ZNF710: variants seen among roughly 807,000 people sequenced by gnomAD.
The protein encoded by ZNF710 is zinc finger protein 710.
Under a neutral mutation model 50.6 loss-of-function variants are expected in ZNF710, and 13 were observed. The observed-to-expected ratio is 0.26, with a 90% CI of 0.17 to 0.41. The LOEUF (loss-of-function observed/expected upper bound fraction) is 0.41, where lower values mean the gene tolerates loss of function less well. Ranked by LOEUF, ZNF710 falls within the 10% of genes least tolerant of loss-of-function variation. ZNF710 has a pLI of 1.00. For missense variants in ZNF710, 721 were observed against 936.6 expected (o/e 0.77, Z 3.01); for synonymous variants, 383 against 397.0 (o/e 0.96, Z 0.42).
chr15:90,060,954 C>G (rs1899988084), intron 1 of ZNF710, among the ~76,000 whole-genome samples: 2 of 152,190 alleles, frequency 1.3e-5, no homozygotes, highest in South Asian at 4.1e-4. Context: ...GATGAGGAGC[C>G]AACAGGCAAG....
intron 4 of ZNF710, among the ~76,000 whole-genome samples, chr15:90,078,666 T>G (rs940320100): frequency 6.6e-6 from 1 of 152,234 alleles, no homozygotes; most frequent in Non-Finnish European, 1.5e-5. Flanking sequence ...TGGCATCTCA[T>G]GGGTAGAGGC....
chr15:90,051,087 A>AAATTAGCCGG (rs1403966143), intron 1 of ZNF710, among the ~76,000 whole-genome samples: 1 of 151,960 alleles, frequency 6.6e-6, no homozygotes, highest in Non-Finnish European at 1.5e-5. Flanking sequence ...AAAAATACAA[A>AAATTAGCCGG]AATTAGCCGG....
chr15:90,000,320 G>A (rs562217831), upstream of ZNF710, among the ~76,000 whole-genome samples: 1 of 152,318 alleles, frequency 6.6e-6, no homozygotes, highest in East Asian at 1.9e-4. Flanking sequence ...GCTCGGAGTG[G>A]CGGGTGTTCT....
At chr15:90,023,589 C>T (rs1596271609) in intron 1 of ZNF710, among the ~76,000 whole-genome samples, 1 of 152,168 alleles carries the variant, frequency 6.6e-6, no homozygotes, top group Non-Finnish European at 1.5e-5. Flanking sequence ...GTGGCTGAGG[C>T]AGGAAGATCT....
chr15:90,033,942 C>G (rs1250409859), intron 1 of ZNF710, among the ~76,000 whole-genome samples: 1 of 152,192 alleles, frequency 6.6e-6, no homozygotes, highest in African/African-American at 2.4e-5. Context: ...TGGCTCATGC[C>G]TGTAATCCCA....
intron 1 of ZNF710, among the ~76,000 whole-genome samples, chr15:90,015,279 A>C (rs1216024826): frequency 6.6e-6 from 1 of 152,242 alleles, no homozygotes; most frequent in Non-Finnish European, 1.5e-5. Context: ...GCCCACTAGC[A>C]ATAAGAGAAA....
chr15:90,070,981 G>A (rs1230652291), intron 2 of ZNF710, among the ~76,000 whole-genome samples: 1 of 151,988 alleles, frequency 6.6e-6, no homozygotes, highest in African/African-American at 2.4e-5. Context: ...CCAAGTCCAG[G>A]GCCTGGCACA....
At position 90,081,847 on chromosome 15, in the gene ZNF710, C is replaced by G. The variant is rs117454995; in HGVS notation, c.*2018C>G. 6 of 152,464 alleles carry G rather than the reference C, an allele frequency of 3.9e-5. No homozygotes were observed. Among genetic ancestry groups the G allele is most frequent in the African/African-American group, 9.6e-5 (4 of 41,564 alleles). The allele number at this position is 152,464 out of a possible 1,614,324, so 9.4% of individuals were successfully genotyped here. ...TCTCCTTTCCCTCCCCCAGCCCCGC[C>G]GTCAGCACTGGCCCTCTGTGAGGTT... On this transcript the variant is annotated 3_prime_UTR_variant, in exon 5 of 5. Transcript: ENST00000268154.
chr15:90,065,188 A>G (rs550468046), intron 1 of ZNF710, among the ~76,000 whole-genome samples: 39 of 152,116 alleles, frequency 2.6e-4, no homozygotes, highest in Admixed American at 6.5e-4. Flanking sequence ...TGTCTGGGGT[A>G]TTTTTAGCCG....
chr15:90,057,638 A>G (rs1248958480), intron 1 of ZNF710, among the ~76,000 whole-genome samples: 2 of 151,558 alleles, frequency 1.3e-5, no homozygotes, highest in Non-Finnish European at 2.9e-5. Context: ...TGGAGGTTGC[A>G]GTGAGCTGAG....
intron 1 of ZNF710, among the ~76,000 whole-genome samples, chr15:90,014,980 T>C (rs1405167733): frequency 1.3e-5 from 2 of 151,766 alleles, no homozygotes; most frequent in Admixed American, 6.6e-5. Context: ...GCAGCCTCTG[T>C]CTTCCAGGTT....
At chr15:90,001,700 C>G (rs1304005278) in intron 1 of ZNF710, 86 bp downstream of exon 1, 1 of 142,580 alleles carries the variant, frequency 7.0e-6, no homozygotes, top group Non-Finnish European at 1.6e-5. Flanking sequence ...GCGGGGGGCG[C>G]GGGGGTGGGT....
Position 90,073,125 on chromosome 15 carries a change from A to G in ZNF710, c.1513A>G (p.Asn505Asp). 6.2e-7 allele frequency: 1 copy of G among 1,614,156 alleles called. No homozygotes were observed. The highest frequency in any genetic ancestry group is 8.5e-7 in the Non-Finnish European group (1 of 1,180,028). Residue 505 changes from asparagine (N) to aspartate (D), a missense_variant, in exon 3 of 5, where the codon AAC (asparagine) becomes GAC (aspartate). Coordinates refer to ENST00000268154, the MANE Select transcript of ZNF710 (RefSeq NM_198526.4). The part of the protein sequence containing the change: ...VCGREFTLQA[N>D]MKRHMLIHTS... ...TGGCCGGGAGTTCACCCTACAGGCG[A>G]ACATGAAGCGGCACATGCTGATCCA... is the stretch of plus-strand genomic sequence containing the variant.
intron 1 of ZNF710, among the ~76,000 whole-genome samples, chr15:90,012,260 A>C (rs899205910): frequency 2.0e-5 from 3 of 150,032 alleles, no homozygotes; most frequent in Admixed American, 2.0e-4. Context: ...CCCTTAGATA[A>C]ATTCTTCTCT....
chr15:90,059,864 A>G lies in ZNF710; in HGVS notation c.-28-7246A>G, dbSNP rs531046748. On this transcript the variant is annotated intron_variant, in intron 1 of 4. Coordinates refer to ENST00000268154, the MANE Select transcript of ZNF710 (RefSeq NM_198526.4). This position sits in a 1 kb window ranked among gnomAD's most constrained non-coding sequence, Gnocchi z 4.1. Reference sequence around the variant, plus strand: ...GTGAAATCCCGTGCATGTTTTTCACAGCGGGTGTACAGGCCTGGAACTTCC... The same window carrying G: ...GTGAAATCCCGTGCATGTTTTTCACGGCGGGTGTACAGGCCTGGAACTTCC... Among the ~76,000 whole-genome samples, 78 of 152,320 alleles carry G rather than the reference A, an allele frequency of 5.1e-4. 1 individual carries two copies. In the South Asian group the frequency reaches 0.016, roughly 30 times the overall value.
At chr15:90,074,702 G>A (rs145652941) in intron 4 of ZNF710, 5 of 359,892 alleles carry the variant, frequency 1.4e-5, no homozygotes, top group African/African-American at 4.3e-5. Flanking sequence ...ACTTTATTTC[G>A]TTACCGTGAG....
chr15:90,052,764 C>T (rs1044853567), intron 1 of ZNF710, among the ~76,000 whole-genome samples: 1 of 152,120 alleles, frequency 6.6e-6, no homozygotes, highest in African/African-American at 2.4e-5. Context: ...AACCCCATTT[C>T]TACTAAAAAT....
At position 90,067,488 on chromosome 15, in the gene ZNF710, G is replaced by C; in HGVS notation, c.351G>C (p.Glu117Asp). The change falls in exon 2 of 5, where the codon GAG becomes GAC. Residue 117 changes from glutamate to aspartate, a missense_variant. Glu to Asp is a conservative substitution (Grantham distance 45). Around this residue, in one of 3 missense-constraint regions of ZNF710, gnomAD observed 326 missense variants for 347.1 expected, o/e 0.94. Transcript: ENST00000268154. This position sits in a 1 kb window ranked among gnomAD's most constrained non-coding sequence, Gnocchi z 8.1. Reference protein sequence around the residue: ...PKVKFEKVEEEEQEVYEVSVP... With the variant: ...PKVKFEKVEEDEQEVYEVSVP... ...TCAAGTTCGAGAAGGTGGAGGAGGA[G>C]GAACAGGAGGTCTATGAGGTTTCTG... 3.7e-6 allele frequency: 6 copies of C among 1,613,484 alleles called. No homozygotes were observed. Among genetic ancestry groups the C allele is most frequent in the Non-Finnish European group, 5.1e-6 (6 of 1,179,684 alleles).
intron 1 of ZNF710, among the ~76,000 whole-genome samples, chr15:90,047,442 A>G (rs1289892291): frequency 6.6e-6 from 1 of 152,210 alleles, no homozygotes; most frequent in Admixed American, 6.5e-5. Flanking sequence ...CTTCAACTCT[A>G]GAGTCTGGAT....
Sources: allele counts gnomAD v4.1 joint callset (sites outside exome capture counted in the v4.1 genomes callset), GRCh38; gene constraint gnomAD v4.1.1; regional missense constraint gnomAD v4.1.1; non-coding constraint Gnocchi (gnomAD v3.1); transcripts MANE v1.5; gene names NCBI Gene and HGNC (gene_info 2026-07-23, HGNC 2026-07-21).